FILIP1L: variants seen among roughly 807,000 people sequenced by gnomAD.
FILIP1L encodes filamin A interacting protein 1 like.
A neutral mutation model predicts 96.6 loss-of-function variants in FILIP1L; 55 were observed. The observed-to-expected ratio is 0.57, with a 90% confidence interval of 0.46 to 0.71. The LOEUF is 0.71. Ranked by LOEUF, FILIP1L falls within the 30% of genes least tolerant of loss-of-function variation. FILIP1L has a pLI of 0.00. For missense variants in FILIP1L, 1,304 were observed against 1,321.2 expected (o/e 0.99, Z 0.20); for synonymous variants, 467 against 473.9 (o/e 0.99, Z 0.19).
At chr3:100,005,390 A>T (rs749513101) in intron 1 of FILIP1L, among the ~76,000 whole-genome samples, 1 of 152,028 alleles carries the variant, frequency 6.6e-6, no homozygotes, top group Non-Finnish European at 1.5e-5. Context: ...GGGTCCCTCT[A>T]CCCCCACTGT....
At chr3:99,953,473 G>A (rs1001412622) in intron 1 of FILIP1L, among the ~76,000 whole-genome samples, 1 of 152,162 alleles carries the variant, frequency 6.6e-6, no homozygotes, top group South Asian at 2.1e-4. Flanking sequence ...GACTGGAGTT[G>A]TATAATTATT....
At chr3:99,948,566 AGGC>A (rs763955038) in intron 1 of FILIP1L, among the ~76,000 whole-genome samples, 9 of 141,726 alleles carry the variant, frequency 6.4e-5, no homozygotes, top group Non-Finnish European at 1.4e-4. Context: ...AAGAAGGAGA[AGGC>A]GAAGGAGAAG....
intron 1 of FILIP1L, among the ~76,000 whole-genome samples, chr3:100,042,812 C>T (rs1049658003): frequency 2.0e-5 from 3 of 152,096 alleles, no homozygotes; most frequent in Non-Finnish European, 4.4e-5. Context: ...TCCTAACAAT[C>T]GAGTACTTCT....
chr3:100,100,248 G>C (rs895282496), intron 1 of FILIP1L, among the ~76,000 whole-genome samples: 3 of 152,156 alleles, frequency 2.0e-5, no homozygotes, highest in Non-Finnish European at 4.4e-5. Flanking sequence ...TGAGGAAAGG[G>C]TTGGACAAGA....
At chr3:99,939,021 T>G (rs1447254525) in intron 1 of FILIP1L, among the ~76,000 whole-genome samples, 2 of 152,216 alleles carry the variant, frequency 1.3e-5, no homozygotes, top group East Asian at 3.8e-4. Context: ...ATTTTCTTAG[T>G]GATATTTTTC....
At chr3:100,043,918 A>C (rs113977953) in intron 1 of FILIP1L, among the ~76,000 whole-genome samples, 15 of 152,224 alleles carry the variant, frequency 9.9e-5, no homozygotes, top group Non-Finnish European at 1.8e-4. Context: ...TAGATTCTAC[A>C]TAGAAATGAG....
At chr3:99,967,066 C>G (rs776630217) in intron 1 of FILIP1L, among the ~76,000 whole-genome samples, 7 of 152,152 alleles carry the variant, frequency 4.6e-5, no homozygotes, top group African/African-American at 1.4e-4. Context: ...GGGGCAAGAA[C>G]AGTCTGAAAA....
chr3:100,038,981 AT>A (rs2065156934), intron 1 of FILIP1L, among the ~76,000 whole-genome samples: 1 of 152,206 alleles, frequency 6.6e-6, no homozygotes, highest in African/African-American at 2.4e-5. Context: ...CACACACAAT[AT>A]TGCTTGCCTA....
chr3:100,071,942 T>C (rs1219478347), intron 1 of FILIP1L, among the ~76,000 whole-genome samples: 3 of 152,168 alleles, frequency 2.0e-5, no homozygotes, highest in Non-Finnish European at 4.4e-5. Flanking sequence ...CAATTTGGTG[T>C]CTTGATCGGC....
chr3:99,843,994 A>G (rs4928146), intron 5 of FILIP1L, among the ~76,000 whole-genome samples: 2 of 149,306 alleles, frequency 1.3e-5, no homozygotes, highest in African/African-American at 5.0e-5. Flanking sequence ...CATCCCCCCA[A>G]CCCCCCGCCC....
At chr3:99,871,755 TGTCTTTGACCACAGAGTACACA>T (rs1341835919) in intron 4 of FILIP1L, among the ~76,000 whole-genome samples, 1 of 152,204 alleles carries the variant, frequency 6.6e-6, no homozygotes, top group Non-Finnish European at 1.5e-5. Flanking sequence ...CAGACCCAAA[TGTCTTTGACCACAGAGTACACA>T]GTCTTTCCAG....
intron 4 of FILIP1L, among the ~76,000 whole-genome samples, chr3:99,870,745 T>G (rs757559304): frequency 6.6e-6 from 1 of 152,168 alleles, no homozygotes; most frequent in Non-Finnish European, 1.5e-5. Context: ...CACTCTTCTG[T>G]AAAATCTGGG....
At chr3:99,994,873 C>T (rs1274948021) in intron 1 of FILIP1L, among the ~76,000 whole-genome samples, 1 of 152,170 alleles carries the variant, frequency 6.6e-6, no homozygotes, top group Admixed American at 6.5e-5. Context: ...GAGAAACTGC[C>T]TTCATGATTC....
chr3:99,988,764 A>G (rs1709428639), intron 1 of FILIP1L, among the ~76,000 whole-genome samples: 1 of 152,200 alleles, frequency 6.6e-6, no homozygotes, highest in Admixed American at 6.5e-5. Context: ...TTACAGAAAC[A>G]TAGTATAATA....
At chr3:99,906,057 G>T (rs953957819) in intron 4 of FILIP1L, among the ~76,000 whole-genome samples, 1 of 152,118 alleles carries the variant, frequency 6.6e-6, no homozygotes, top group East Asian at 1.9e-4. Context: ...GCTGGGCATG[G>T]TGGTGCATGC....
At chr3:100,062,421 T>C (rs969050364) in intron 1 of FILIP1L, among the ~76,000 whole-genome samples, 1 of 152,130 alleles carries the variant, frequency 6.6e-6, no homozygotes, top group African/African-American at 2.4e-5. Flanking sequence ...TATCCTGTCT[T>C]CTTTTAACAG....
chr3:99,983,391 T>TAAATATATATATAA (rs1249848576), intron 1 of FILIP1L, among the ~76,000 whole-genome samples: 1 of 16,090 alleles, frequency 6.2e-5, no homozygotes, highest in African/African-American at 9.8e-5. Flanking sequence ...AATAAATAAA[T>TAAATATATATATAA]ATATATATAT....
At chr3:100,004,033 T>A (rs1346728429) in intron 1 of FILIP1L, among the ~76,000 whole-genome samples, 1 of 152,160 alleles carries the variant, frequency 6.6e-6, no homozygotes, top group Non-Finnish European at 1.5e-5. Flanking sequence ...TCTCTCAGGG[T>A]AAGCATCTTG....
At chr3:99,919,830 A>G (rs1707068129) in intron 4 of FILIP1L, among the ~76,000 whole-genome samples, 1 of 152,224 alleles carries the variant, frequency 6.6e-6, no homozygotes, top group African/African-American at 2.4e-5. Flanking sequence ...CTTAACAGCA[A>G]AGAACTTCCC....
Sources: gnomAD v4.1 joint callset for allele counts (sites outside exome capture counted in the v4.1 genomes callset) on GRCh38, gnomAD v4.1.1 for gene constraint, MANE v1.5 for transcripts, NCBI Gene and HGNC (gene_info 2026-07-23, HGNC 2026-07-21) for gene names.